Variants in DCBLD1 observed in about 807,000 individuals in gnomAD.
DCBLD1 encodes discoidin, CUB and LCCL domain containing 1, also known as discoidin, CUB and LCCL domain-containing protein 1.
In DCBLD1, 57 loss-of-function variants were observed where a neutral mutation model predicts 71.5. The ratio of observed to expected loss-of-function variants is 0.80; its 90% CI spans 0.64 to 0.99. The LOEUF (loss-of-function observed/expected upper bound fraction) is 0.99. Ranked by LOEUF, DCBLD1 falls within the 50% of genes least tolerant of loss-of-function variation. DCBLD1 has a pLI of 0.00. For synonymous variants in DCBLD1, 380 were observed against 363.8 expected, an observed-to-expected ratio of 1.04 and a Z score of -0.51; for missense variants, 891 against 923.5, an observed-to-expected ratio of 0.96 and a Z score of 0.46.
At position 117,545,365 on chromosome 6, in the gene DCBLD1, C is replaced by T. The variant is rs544976114; in HGVS notation, c.1496-113C>T. On this transcript the variant is annotated intron_variant, in intron 13 of 14. Transcript: ENST00000338728. Reference sequence around the variant, plus strand: ...ACACACACCTGAGGAGGACATTGATCACTGTCAGCTGTCAGGAGGCAGCCT... The same window carrying T: ...ACACACACCTGAGGAGGACATTGATTACTGTCAGCTGTCAGGAGGCAGCCT... The T allele has an allele frequency of 4.0e-5, 57 of 1,418,054 alleles. No homozygotes were observed. The African/African-American group carries it at 7.5e-4, about 19-fold the overall frequency. 87.8% of individuals were successfully genotyped at this position (1,418,054 alleles called of 1,614,324 possible).
At chr6:117,509,522 G>A (rs955502672) in intron 2 of DCBLD1, among the ~76,000 whole-genome samples, 6 of 152,134 alleles carry the variant, frequency 3.9e-5, no homozygotes, top group African/African-American at 1.4e-4. Flanking sequence ...GATGACACCT[G>A]GTACATAGTA....
chr6:117,485,047 A>AT (rs1777040460), intron 1 of DCBLD1: 1 of 152,178 alleles, frequency 6.6e-6, no homozygotes, highest in Non-Finnish European at 1.5e-5. Flanking sequence ...AAAGGTACAT[A>AT]TTTACATAGA....
chr6:117,538,984 T>C (rs1227950517), intron 8 of DCBLD1, 149 bp downstream of exon 8: 1 of 912,802 alleles, frequency 1.1e-6, no homozygotes, highest in African/African-American at 1.7e-5. Context: ...AATCTTTACA[T>C]TCTTTCTGTG....
intron 2 of DCBLD1, among the ~76,000 whole-genome samples, chr6:117,515,302 G>A (rs560177644): frequency 1.1e-4 from 17 of 152,258 alleles, no homozygotes; most frequent in Admixed American, 4.6e-4. Context: ...GATTACAGGC[G>A]TGAGCCACCG....
chr6:117,540,497 A>T, intron 9 of DCBLD1, 171 bp from the exon 10 acceptor site: 1 of 677,444 alleles, frequency 1.5e-6, no homozygotes, highest in Non-Finnish European at 2.4e-6. Flanking sequence ...TTAGTTAGAT[A>T]AATTGGCCCT....
At chr6:117,499,713 CAAA>C (rs1777588320) in intron 1 of DCBLD1, among the ~76,000 whole-genome samples, 1 of 152,098 alleles carries the variant, frequency 6.6e-6, no homozygotes. Flanking sequence ...ATACCTAAGA[CAAA>C]GAAGATAAAC....
chr6:117,519,675 C>G (rs1399872799), intron 2 of DCBLD1, 141 bp from the exon 3 acceptor site: 1 of 1,145,358 alleles, frequency 8.7e-7, no homozygotes, highest in Admixed American at 2.6e-5. Flanking sequence ...GAGCGTCAAG[C>G]TAAATTTCAG....
rs1368028539 is a variant in DCBLD1, at chr6:117,548,116, G to T, written c.1825G>T (p.Val609Leu). Residue 609 changes from valine to leucine, a missense_variant, in exon 15 of 15, where the codon GTG becomes TTG. Physicochemically the swap from Val to Leu is conservative, Grantham distance 32. Coordinates refer to ENST00000338728, the MANE Select transcript of DCBLD1 (RefSeq NM_001366458.2). The stretch of plus-strand genomic sequence containing the variant: ...CGCCACGCCCATCGTGGAGCGGCAC[G>T]TGCTGCGCGCCCACACGTTCTCTGC... ...EYATPIVERH[V>L]LRAHTFSAQS... 5.2e-6 allele frequency: 8 copies of T among 1,549,630 alleles called. No individual in the cohort carries two copies. The highest frequency in any genetic ancestry group is 4.1e-5 in the African/African-American group (3 of 73,028).
intron 2 of DCBLD1, among the ~76,000 whole-genome samples, chr6:117,506,624 A>T (rs1204235737): frequency 1.3e-5 from 2 of 152,196 alleles, no homozygotes; most frequent in African/African-American, 2.4e-5. Context: ...AAGGAGGAGG[A>T]GACAGAAGTG....
intron 1 of DCBLD1, among the ~76,000 whole-genome samples, chr6:117,486,794 C>T (rs1562424409): frequency 6.6e-6 from 1 of 152,212 alleles, no homozygotes; most frequent in African/African-American, 2.4e-5. Context: ...ATCCCTAAGC[C>T]CTGGGCTGCA....
At chr6:117,510,184 C>T (rs181603828) in intron 2 of DCBLD1, among the ~76,000 whole-genome samples, 1 of 152,152 alleles carries the variant, frequency 6.6e-6, no homozygotes, top group Non-Finnish European at 1.5e-5. Flanking sequence ...CACTTCTAGC[C>T]TCATCTCTGA....
chr6:117,537,125 A>G, intron 6 of DCBLD1, 60 bp from the exon 7 acceptor site: 2 of 1,556,006 alleles, frequency 1.3e-6, no homozygotes, highest in South Asian at 1.1e-5. Flanking sequence ...ATGTAGCTAT[A>G]TTAGTCACTA....
At position 117,549,236 on chromosome 6, in the gene DCBLD1, T is replaced by G. The variant is rs1431167226; in HGVS notation, c.*797T>G. On this transcript the variant is annotated 3_prime_UTR_variant, in exon 15 of 15. Transcript: ENST00000338728. Reference sequence around the variant, plus strand: ...GTTTTCGTACCTCAGATTAAAAATATTGCTGAGGTCAGACGCCACAATTTT... The same window carrying G: ...GTTTTCGTACCTCAGATTAAAAATAGTGCTGAGGTCAGACGCCACAATTTT... 1 of 985,334 alleles carries G rather than the reference T, an allele frequency of 1.0e-6. No individual in the cohort carries two copies. The highest frequency in any genetic ancestry group is 1.1e-4 in the East Asian group (1 of 8,826). 61.0% of individuals were successfully genotyped at this position (985,334 alleles called of 1,614,324 possible). A position where few individuals can be genotyped will look rare whatever the true frequency, so the allele number is the denominator to read the frequency against.
chr6:117,512,016 G>A (rs1195572418), intron 2 of DCBLD1, among the ~76,000 whole-genome samples: 2 of 152,154 alleles, frequency 1.3e-5, no homozygotes, highest in Admixed American at 6.5e-5. Context: ...CATATAAAAC[G>A]TTATATCAGC....
In DCBLD1 at chr6:117,538,882, T is replaced by C. The variant is rs113182422; in HGVS notation, c.976+47T>C. The C allele has an allele frequency of 3.2e-6, 5 of 1,557,354 alleles. No individual in the cohort carries two copies. In the South Asian group the frequency reaches 5.8e-5, roughly 18 times the overall value. On this transcript the variant is annotated intron_variant, in intron 8 of 14. Transcript: ENST00000338728. ...CCAAGTGCAGGAGTAGTTTCATGAC[T>C]GTAAATGACTCGTAGTTGAAAATAC...
intron 2 of DCBLD1, among the ~76,000 whole-genome samples, chr6:117,507,200 T>C (rs1337085462): frequency 6.6e-6 from 1 of 152,218 alleles, no homozygotes; most frequent in Non-Finnish European, 1.5e-5. Flanking sequence ...TTTTTAATGG[T>C]TCCCCACCAT....
At chr6:117,556,946 T>C (rs1347115316) in intron 14 of DCBLD1, among the ~76,000 whole-genome samples, 2 of 151,978 alleles carry the variant, frequency 1.3e-5, no homozygotes, top group Non-Finnish European at 2.9e-5. Flanking sequence ...ATTGTGGTTT[T>C]AATTTGCATT....
At chr6:117,508,933 G>T (rs12179623) in intron 2 of DCBLD1, among the ~76,000 whole-genome samples, 1 of 140,348 alleles carries the variant, frequency 7.1e-6, no homozygotes, top group Non-Finnish European at 1.6e-5. Flanking sequence ...AACCAGGCTG[G>T]CCTTGAAAAT....
At chr6:117,523,577 A>T (rs1778452521) in intron 4 of DCBLD1, among the ~76,000 whole-genome samples, 1 of 152,242 alleles carries the variant, frequency 6.6e-6, no homozygotes, top group Admixed American at 6.5e-5. Context: ...ATTCTGAAAT[A>T]CAGCTGATTC....
Sources: allele counts gnomAD v4.1 joint callset (sites outside exome capture counted in the v4.1 genomes callset), GRCh38; gene constraint gnomAD v4.1.1; transcripts MANE v1.5; gene names NCBI Gene and HGNC (gene_info 2026-07-23, HGNC 2026-07-21).